POLQ: variants seen among roughly 807,000 people sequenced by gnomAD.
POLQ encodes the protein epididymis secretory sperm binding protein.
Under a neutral mutation model 259.2 loss-of-function variants are expected in POLQ, and 233 were observed. The observed-to-expected ratio is 0.90, with a 90% CI of 0.81 to 1.00. The LOEUF (loss-of-function observed/expected upper bound fraction) is 1.00, where lower values mean the gene tolerates loss of function less well. Ranked by LOEUF, POLQ falls within the 50% of genes least tolerant of loss-of-function variation. POLQ has a pLI of 0.00. For missense variants in POLQ, 2,871 were observed against 3,051.6 expected (o/e 0.94, Z 1.39); for synonymous variants, 1,025 against 1,048.8 (o/e 0.98, Z 0.44).
At chr3:121,434,982 C>T (rs575611800) in intron 28 of POLQ, among the ~76,000 whole-genome samples, 1 of 152,196 alleles carries the variant, frequency 6.6e-6, no homozygotes, top group Admixed American at 6.5e-5. Flanking sequence ...CATGGTGAAA[C>T]CCCCTCTCTA....
In POLQ at chr3:121,499,602, C is replaced by A. The variant is rs141268526; in HGVS notation, c.1960-932G>T. Among the ~76,000 whole-genome samples, 354 of 152,212 alleles carry A rather than the reference C, an allele frequency of 2.3e-3. 1 individual carries two copies. The highest frequency in any genetic ancestry group is 7.4e-3 in the African/African-American group (308 of 41,524). On this transcript the variant is annotated intron_variant, in intron 12 of 29. Transcript: ENST00000264233. ...GACACTTCTAATATCAATATTCTAA[C>A]TGTAGGTACAATCTTAAGTATTCTG...
intron 19 of POLQ, among the ~76,000 whole-genome samples, chr3:121,479,312 G>A (rs1161701589): frequency 6.7e-6 from 1 of 148,266 alleles, no homozygotes; most frequent in Non-Finnish European, 1.5e-5. Flanking sequence ...AAGAGTTTGA[G>A]ACCAGCCTGG....
In POLQ at chr3:121,533,203, T is replaced by G. The variant is rs2048424966; in HGVS notation, c.747A>C (p.Ala249=). 6.4e-7 allele frequency: 1 copy of G among 1,558,282 alleles called. No homozygotes were observed. Among genetic ancestry groups the G allele is most frequent in the African/African-American group, 1.4e-5 (1 of 72,588 alleles). ...YITRKSASCQ[A]DLASSLSNAV... ...CATTAGACAGAGAACTGGCTAGATC[T>G]GCCTGACTGTAAAAAAACAAATGAA... is the stretch of plus-strand genomic sequence containing the variant. The change falls in exon 6 of 30, where the codon GCA becomes GCC. Residue 249 remains alanine, a synonymous_variant. Transcript: ENST00000264233.
intron 16 of POLQ, 104 bp from the exon 17 acceptor site, chr3:121,485,288 T>A: frequency 1.4e-6 from 1 of 691,904 alleles, no homozygotes; most frequent in Non-Finnish European, 2.3e-6. Context: ...ATAGGCAAAA[T>A]TTCCAGATCT....
chr3:121,470,259 AAAAT>A (rs528940289), intron 22 of POLQ, among the ~76,000 whole-genome samples: 13 of 152,266 alleles, frequency 8.5e-5, no homozygotes, highest in African/African-American at 2.9e-4. Context: ...CTCTGTCTCA[AAAAT>A]AAATAAATAA....
chr3:121,435,958 C>T (rs2047539882), intron 28 of POLQ, among the ~76,000 whole-genome samples, 164 bp downstream of exon 28: 1 of 152,134 alleles, frequency 6.6e-6, no homozygotes, highest in South Asian at 2.1e-4. Context: ...CCCACAAAAA[C>T]AAGAGCTCTT....
chr3:121,497,498 G>A (rs191342520), intron 13 of POLQ, among the ~76,000 whole-genome samples: 2 of 152,010 alleles, frequency 1.3e-5, no homozygotes, highest in African/African-American at 2.4e-5. Context: ...GTGCAGTGGC[G>A]CAATCTTGGC....
chr3:121,468,669 A>G (rs1394559598), intron 22 of POLQ, among the ~76,000 whole-genome samples: 2 of 152,204 alleles, frequency 1.3e-5, no homozygotes, highest in African/African-American at 2.4e-5. Flanking sequence ...TACACAGAAA[A>G]CCATCGCACA....
chr3:121,466,623 G>C (rs1426689905), intron 24 of POLQ, among the ~76,000 whole-genome samples: 2 of 151,372 alleles, frequency 1.3e-5, no homozygotes, highest in Non-Finnish European at 2.9e-5. Flanking sequence ...CTGGGAGGCA[G>C]AGGTTGCGCT....
At chr3:121,512,418 A>C (rs2048262310) in intron 9 of POLQ, among the ~76,000 whole-genome samples, 1 of 152,208 alleles carries the variant, frequency 6.6e-6, no homozygotes, top group South Asian at 2.1e-4. Flanking sequence ...GGGTCTGCAC[A>C]AACAAACTCT....
At chr3:121,542,051 G>A (rs1490121468) in intron 2 of POLQ, among the ~76,000 whole-genome samples, 4 of 151,406 alleles carry the variant, frequency 2.6e-5, no homozygotes, top group Admixed American at 6.6e-5. Context: ...CACAAGAATT[G>A]CTTGATCCTG....
Position 121,533,100 on chromosome 3 carries a change from G to A in POLQ, c.850C>T (p.His284Tyr), listed in dbSNP as rs1455541837. 6.2e-7 allele frequency: 1 copy of A among 1,613,756 alleles called. No individual in the cohort carries two copies. The highest frequency in any genetic ancestry group is 1.3e-5 in the African/African-American group (1 of 74,898). ...VASWLNAELY[H>Y]TDFRPVPLLE... ...AGCGGTACAGGGCGAAAGTCGGTATGGTAGAGTTCAGCATTCAACCAGGAA... is the reference window on the plus strand; with the variant it reads ...AGCGGTACAGGGCGAAAGTCGGTATAGTAGAGTTCAGCATTCAACCAGGAA... Residue 284 changes from histidine to tyrosine, a missense_variant, in exon 6 of 30, where the codon CAT (histidine) becomes TAT (tyrosine). His to Tyr is a moderately conservative substitution (Grantham distance 83). Coordinates refer to ENST00000264233, the MANE Select transcript of POLQ (RefSeq NM_199420.4).
At position 121,489,488 on chromosome 3, in the gene POLQ, C is replaced by G; in HGVS notation, c.3443G>C (p.Cys1148Ser). ...VTGSQSKNVTCQATSVVSEKG... is the reference protein window; with the variant it reads ...VTGSQSKNVTSQATSVVSEKG... ...TTCACTAACCACACTAGTGGCCTGA[C>G]AAGTCACATTTTTACTCTGAGATCC... The change falls in exon 16 of 30, where the codon TGT (cysteine) becomes TCT (serine). Residue 1148 changes from cysteine to serine, a missense_variant. Coordinates refer to ENST00000264233, the MANE Select transcript of POLQ (RefSeq NM_199420.4). 1 of 1,613,990 alleles carries G rather than the reference C, an allele frequency of 6.2e-7. No individual in the cohort carries two copies. The highest frequency in any genetic ancestry group is 8.5e-7 in the Non-Finnish European group (1 of 1,179,942).
chr3:121,474,516 T>C (rs2108791280), intron 20 of POLQ, among the ~76,000 whole-genome samples: 1 of 152,356 alleles, frequency 6.6e-6, no homozygotes, highest in African/African-American at 2.4e-5. Flanking sequence ...TTAATGAACC[T>C]TGGATTATTT....
intron 17 of POLQ, 133 bp from the exon 18 acceptor site, chr3:121,483,715 T>A: frequency 1.8e-6 from 1 of 566,756 alleles, no homozygotes; most frequent in Non-Finnish European, 3.0e-6. Flanking sequence ...ATGTGACGAG[T>A]AATTCAGCAT....
At position 121,522,003 on chromosome 3, in the gene POLQ, C is replaced by T. The variant is rs754555016; in HGVS notation, c.1255G>A (p.Gly419Ser). The change falls in exon 8 of 30, where the codon GGT becomes AGT. Residue 419 changes from glycine (G) to serine (S), a missense_variant and splice_region_variant. Physicochemically the swap from Gly to Ser is moderately conservative, Grantham distance 56. This residue lies in a region of POLQ where 783 missense variants were observed against 906.2 expected (regional missense o/e 0.86). Coordinates refer to ENST00000264233, the MANE Select transcript of POLQ (RefSeq NM_199420.4). ...TAATAACATTATAAATATGAAATAC[C>T]TGCATGATGAAATGCTACTCCCCAT... is the stretch of plus-strand genomic sequence containing the variant. ...VPWGVAFHHA[G>S]LTFEERDIIE... The T allele has an allele frequency of 4.5e-6, 7 of 1,559,130 alleles. No individual in the cohort carries two copies. Among genetic ancestry groups the T allele is most frequent in the Non-Finnish European group, 6.0e-6 (7 of 1,158,186 alleles).
Position 121,489,928 on chromosome 3 carries a change from T to C in POLQ, c.3003A>G (p.Pro1001=). ...TTTTCCCCTCATTCTGAGAGGCTCC[T>C]GGCTTCTCTTTATTTATATCTAAAG... ...RASLDINKEK[P]GASQNEGKTS... The change falls in exon 16 of 30, where the codon CCA becomes CCG. Residue 1001 remains proline, a synonymous_variant. Transcript: ENST00000264233. 6.3e-7 allele frequency: 1 copy of C among 1,581,880 alleles called. No individual in the cohort carries two copies. Among genetic ancestry groups the C allele is most frequent in the Non-Finnish European group, 8.5e-7 (1 of 1,171,344 alleles).
chr3:121,485,088 C>G lies in POLQ; in HGVS notation c.5726G>C (p.Gly1909Ala), dbSNP rs772997310. The G allele has an allele frequency of 1.2e-6, 2 of 1,613,154 alleles. No homozygotes were observed. The highest frequency in any genetic ancestry group is 2.2e-5 in the South Asian group (2 of 90,948). ...CAGTGAAAAATAATAGGCATCCCTT[C>G]CACCCCAGCATACTGCCAGTCCAAC... ...LVVGLAVCWG[G>A]RDAYYFSLQK... The change falls in exon 17 of 30, where the codon GGA becomes GCA. Residue 1909 changes from glycine to alanine, a missense_variant. Coordinates refer to ENST00000264233, the MANE Select transcript of POLQ (RefSeq NM_199420.4).
intron 7 of POLQ, among the ~76,000 whole-genome samples, chr3:121,528,161 A>T (rs1203881237): frequency 6.6e-6 from 1 of 151,970 alleles, no homozygotes; most frequent in Non-Finnish European, 1.5e-5. Context: ...TCACTCTGTC[A>T]CCTAGGTTAG....
Sources: gnomAD v4.1 joint callset for allele counts (sites outside exome capture counted in the v4.1 genomes callset) on GRCh38, gnomAD v4.1.1 for gene constraint, gnomAD v4.1.1 regional missense constraint, MANE v1.5 for transcripts, NCBI Gene and HGNC (gene_info 2026-07-23, HGNC 2026-07-21) for gene names.